The following NRXN1 variants were observed in gnomAD, a reference collection of about 807,000 sequenced individuals.
NRXN1 encodes neurexin 1.
Under a neutral mutation model 150.9 loss-of-function variants are expected in NRXN1, and 39 were observed. The observed-to-expected ratio is 0.26, with a 90% CI of 0.20 to 0.34. NRXN1 has a LOEUF of 0.34. Among genes scored for constraint, NRXN1 ranks in the 10% least tolerant of loss-of-function variants. The pLI, the probability that NRXN1 is intolerant of heterozygous loss-of-function variation, is 1.00. For missense variants in NRXN1, 1,815 were observed against 1,949.9 expected, an observed-to-expected ratio of 0.93 and a Z score of 1.30; for synonymous variants, 924 against 757.0, an observed-to-expected ratio of 1.22 and a Z score of -3.62.
At chr2:50,866,850 A>G (rs1472447131) in intron 5 of NRXN1, among the ~76,000 whole-genome samples, 1 of 151,914 alleles carries the variant, frequency 6.6e-6, no homozygotes, top group East Asian at 2.0e-4. Context: ...GTTATAATTC[A>G]TTAAACTTGG....
At chr2:50,873,525 T>G (rs1277698171) in intron 5 of NRXN1, among the ~76,000 whole-genome samples, 2 of 151,870 alleles carry the variant, frequency 1.3e-5, no homozygotes, top group African/African-American at 4.8e-5. Flanking sequence ...TCTGGCAGTT[T>G]TGGAGCAGCA....
chr2:50,530,402 C>T (rs1027354205), intron 11 of NRXN1, among the ~76,000 whole-genome samples: 2 of 152,126 alleles, frequency 1.3e-5, no homozygotes, highest in Admixed American at 6.6e-5. Flanking sequence ...AGAGCCCTTT[C>T]CGTGATAAGA....
At chr2:50,201,486 A>G (rs1442701397) in intron 18 of NRXN1, among the ~76,000 whole-genome samples, 1 of 152,170 alleles carries the variant, frequency 6.6e-6, no homozygotes. Context: ...CTTTAAATCT[A>G]CGTAACATGA....
At chr2:50,178,365 G>A (rs1167973091) in intron 18 of NRXN1, among the ~76,000 whole-genome samples, 3 of 151,870 alleles carry the variant, frequency 2.0e-5, no homozygotes, top group Admixed American at 2.0e-4. Flanking sequence ...CTTGTCCTTG[G>A]TATCTCACTG....
intron 17 of NRXN1, among the ~76,000 whole-genome samples, chr2:50,326,455 A>C (rs895222195): frequency 2.8e-4 from 43 of 152,220 alleles, no homozygotes; most frequent in African/African-American, 9.6e-4. Context: ...TTCTTACGAT[A>C]ACACTTAGCT....
intron 17 of NRXN1, among the ~76,000 whole-genome samples, chr2:50,255,062 C>T (rs778650423): frequency 4.2e-4 from 64 of 152,068 alleles, no homozygotes; most frequent in Non-Finnish European, 9.0e-4. Flanking sequence ...CCCACCTTGG[C>T]CTACGAAAGT....
chr2:50,329,653 A>T (rs1488812477), intron 17 of NRXN1, among the ~76,000 whole-genome samples: 591 of 13,750 alleles, frequency 0.043, 52 homozygotes, highest in African/African-American at 0.13. Context: ...ATATATATAT[A>T]TATATATATA....
intron 21 of NRXN1, among the ~76,000 whole-genome samples, chr2:49,996,991 T>A (rs1005673970): frequency 1.3e-5 from 2 of 152,254 alleles, no homozygotes; most frequent in African/African-American, 4.8e-5. Flanking sequence ...TTGTATTTTT[T>A]ATTTTTATAA....
intron 18 of NRXN1, among the ~76,000 whole-genome samples, chr2:50,228,666 T>A (rs1415127681): frequency 1.3e-5 from 2 of 152,058 alleles, no homozygotes; most frequent in African/African-American, 2.4e-5. Flanking sequence ...CCCTTTTTCA[T>A]AGGCCAAAAG....
intron 2 of NRXN1, among the ~76,000 whole-genome samples, chr2:50,981,912 T>C (rs1040525478): frequency 6.6e-6 from 1 of 151,846 alleles, no homozygotes; most frequent in African/African-American, 2.4e-5. Flanking sequence ...CAATGGTTAA[T>C]GGTATTAATA....
intron 22 of NRXN1, among the ~76,000 whole-genome samples, chr2:49,939,820 T>C (rs1215542204): frequency 6.6e-6 from 1 of 152,194 alleles, no homozygotes; most frequent in African/African-American, 2.4e-5. Context: ...GTATAAACTT[T>C]CTATTTTTGC....
intron 12 of NRXN1, among the ~76,000 whole-genome samples, chr2:50,508,726 T>A (rs151091268): frequency 2.0e-5 from 3 of 152,292 alleles, no homozygotes; most frequent in Non-Finnish European, 2.9e-5. Context: ...TAATGCTTAA[T>A]CTATGCAACA....
At chr2:49,938,984 G>C (rs999958978) in intron 22 of NRXN1, among the ~76,000 whole-genome samples, 18 of 152,082 alleles carry the variant, frequency 1.2e-4, no homozygotes, top group African/African-American at 4.3e-4. Flanking sequence ...AATTTACTAA[G>C]TGGATCTAAA....
chr2:50,600,916 C>T (rs1398085621), intron 8 of NRXN1, among the ~76,000 whole-genome samples: 1 of 150,288 alleles, frequency 6.7e-6, no homozygotes, highest in South Asian at 2.1e-4. Context: ...TGGGAAAATG[C>T]CTTTCACATT....
chr2:50,833,265 G>A (rs916058659), intron 5 of NRXN1, among the ~76,000 whole-genome samples: 1 of 152,154 alleles, frequency 6.6e-6, no homozygotes, highest in Non-Finnish European at 1.5e-5. Context: ...CTGGAAAACA[G>A]TTTGGCAGTA....
At chr2:50,500,738 G>T (rs953067382) in intron 13 of NRXN1, among the ~76,000 whole-genome samples, 1 of 152,192 alleles carries the variant, frequency 6.6e-6, no homozygotes, top group Non-Finnish European at 1.5e-5. Flanking sequence ...TGCTGTGTTT[G>T]TATAGAAATC....
intron 5 of NRXN1, among the ~76,000 whole-genome samples, chr2:50,826,297 A>G (rs1004684113): frequency 6.6e-6 from 1 of 152,160 alleles, no homozygotes; most frequent in Non-Finnish European, 1.5e-5. Flanking sequence ...AAATAAAAGT[A>G]AAAACAAGTA....
At chr2:50,915,477 C>T (rs1030195113) in intron 5 of NRXN1, among the ~76,000 whole-genome samples, 2 of 151,536 alleles carry the variant, frequency 1.3e-5, no homozygotes, top group Non-Finnish European at 1.5e-5. Flanking sequence ...CCTATTTCAT[C>T]CTCATTATTG....
At chr2:50,696,771 T>C (rs1692950261) in intron 5 of NRXN1, among the ~76,000 whole-genome samples, 1 of 152,140 alleles carries the variant, frequency 6.6e-6, no homozygotes, top group Non-Finnish European at 1.5e-5. Context: ...ATTTAAATGG[T>C]AGAAAGTGTT....
Sources: gnomAD v4.1 joint callset for allele counts (sites outside exome capture counted in the v4.1 genomes callset) on GRCh38, gnomAD v4.1.1 for gene constraint, MANE v1.5 for transcripts, NCBI Gene and HGNC (gene_info 2026-07-23, HGNC 2026-07-21) for gene names.